The following GALNS variants were observed in gnomAD, a reference collection of about 807,000 sequenced individuals.
GALNS encodes the protein N-acetylgalactosamine-6-sulfatase.
In GALNS, 65 loss-of-function variants were observed where a neutral mutation model predicts 65.9. That is an observed-to-expected ratio of 0.99 (90% CI 0.81 to 1.21). The LOEUF (loss-of-function observed/expected upper bound fraction) is 1.21. GALNS is among the 50% of genes most tolerant of loss of function. The probability of loss-of-function intolerance (pLI) is 0.00; values close to 1 mark genes in which losing one functional copy is unlikely to be tolerated. For synonymous variants in GALNS, 346 were observed against 288.9 expected (o/e 1.20, Z -2.00); for missense variants, 776 against 700.7 (o/e 1.11, Z -1.21).
rs1316689686 is a variant in GALNS, at chr16:88,856,654, T to TC, written c.120+103dup. ...TCCCCAAGGGGCCTCCCCTCACCTC[T>TC]CCCCCCACCCCGCCCGCCCTTCCCC... On this transcript the variant is annotated intron_variant, in intron 1 of 13. Transcript: ENST00000268695. The TC allele has an allele frequency of 5.7e-5, 16 of 281,912 alleles. 1 individual carries two copies. Among genetic ancestry groups the TC allele is most frequent in the South Asian group, 2.8e-4 (13 of 46,234 alleles). The allele number at this position is 281,912 out of a possible 1,614,324, so 17.5% of individuals were successfully genotyped here.
At chr16:88,827,933 C>T (rs1003049073) in intron 9 of GALNS, among the ~76,000 whole-genome samples, 12 of 152,354 alleles carry the variant, frequency 7.9e-5, no homozygotes, top group Admixed American at 2.0e-4. Context: ...GCACCCTCGC[C>T]GCCTGCAGCC....
chr16:88,822,499 G>C (rs891924147), intron 12 of GALNS, 90 bp downstream of exon 12: 10 of 1,541,530 alleles, frequency 6.5e-6, no homozygotes, highest in Non-Finnish European at 8.9e-6. Flanking sequence ...CGGCGGGCAG[G>C]GTGCAGAGGG....
chr16:88,855,539 C>T, intron 1 of GALNS: 3 of 701,358 alleles, frequency 4.3e-6, no homozygotes. Flanking sequence ...ACAAATAAGA[C>T]ATATGAGATG....
chr16:88,856,302 C>T (rs1473515515), intron 1 of GALNS: 1 of 702,678 alleles, frequency 1.4e-6, no homozygotes, highest in African/African-American at 1.7e-5. Context: ...GGAGTGATTC[C>T]TAGGGCGACG....
At chr16:88,840,168 C>T (rs1231959464) in intron 4 of GALNS, among the ~76,000 whole-genome samples, 1 of 152,206 alleles carries the variant, frequency 6.6e-6, no homozygotes, top group Non-Finnish European at 1.5e-5. Flanking sequence ...TGAAGTGCTC[C>T]CTAGACAGCC....
chr16:88,843,073 T>C (rs749215500), intron 1 of GALNS: 2 of 1,512,286 alleles, frequency 1.3e-6, no homozygotes, highest in South Asian at 2.4e-5. Context: ...CGCTCCACGG[T>C]CAGCCCACGC....
At chr16:88,827,826 C>T (rs919900190) in intron 9 of GALNS, among the ~76,000 whole-genome samples, 12 of 152,210 alleles carry the variant, frequency 7.9e-5, no homozygotes, top group African/African-American at 2.9e-4. Flanking sequence ...CCCTGCCTGG[C>T]AAGCTCAGCC....
chr16:88,850,403 C>T (rs991837370), intron 1 of GALNS, among the ~76,000 whole-genome samples: 2 of 152,198 alleles, frequency 1.3e-5, no homozygotes, highest in African/African-American at 4.8e-5. Context: ...GGTCATCCTC[C>T]TACCTGTTCC....
intron 12 of GALNS, among the ~76,000 whole-genome samples, 169 bp from the exon 13 acceptor site, chr16:88,818,293 G>A (rs1463317191): frequency 1.3e-5 from 2 of 152,216 alleles, no homozygotes; most frequent in African/African-American, 4.8e-5. Context: ...CGCTAGGACA[G>A]GCAGCAGGCA....
chr16:88,838,395 G>C (rs974579637), intron 4 of GALNS: 3 of 153,442 alleles, frequency 2.0e-5, no homozygotes, highest in Non-Finnish European at 4.4e-5. Flanking sequence ...GAACGTGACA[G>C]TGTGGCCACA....
At position 88,842,499 on chromosome 16, in the gene GALNS, T is replaced by G. The variant is rs2143005349; in HGVS notation, c.244+207A>C. 3 of 644,036 alleles carry G rather than the reference T, an allele frequency of 4.7e-6. 1 individual carries two copies. The highest frequency in any genetic ancestry group is 8.5e-4 in the Middle Eastern group (2 of 2,348). The allele number at this position is 644,036 out of a possible 1,614,324, so 39.9% of individuals were successfully genotyped here. On this transcript the variant is annotated intron_variant, in intron 2 of 13. Coordinates refer to ENST00000268695, the MANE Select transcript of GALNS (RefSeq NM_000512.5). ...ACCAACAATACCGCAACTTCGACCC[T>G]GAAAACCCAGCAGGTGCCGCACCCC...
chr16:88,846,499 G>A (rs2143007410), intron 1 of GALNS, among the ~76,000 whole-genome samples: 1 of 149,200 alleles, frequency 6.7e-6, no homozygotes, highest in Non-Finnish European at 1.5e-5. Context: ...GAGACAGAAT[G>A]CGTTTCTGGC....
intron 1 of GALNS, among the ~76,000 whole-genome samples, chr16:88,845,971 G>C: frequency 6.6e-6 from 1 of 152,134 alleles, no homozygotes; most frequent in East Asian, 1.9e-4. Context: ...CTGGGCAACA[G>C]GGTGAGACAC....
At chr16:88,831,022 C>T (rs1911447199) in intron 9 of GALNS, among the ~76,000 whole-genome samples, 1 of 152,218 alleles carries the variant, frequency 6.6e-6, no homozygotes, top group African/African-American at 2.4e-5. Context: ...TGTTTAGCTC[C>T]ATTTAACTCA....
chr16:88,844,758 T>C (rs546258541), intron 1 of GALNS: 25 of 152,386 alleles, frequency 1.6e-4, no homozygotes, highest in Admixed American at 1.6e-3. Flanking sequence ...CGCATATTTA[T>C]TTCTGAAACC....
At chr16:88,822,035 G>A (rs1315592607) in intron 12 of GALNS, among the ~76,000 whole-genome samples, 1 of 152,166 alleles carries the variant, frequency 6.6e-6, no homozygotes, top group East Asian at 1.9e-4. Flanking sequence ...GCCAAGTGTT[G>A]GGGCCTCTGT....
chr16:88,820,785 C>T (rs887804630), intron 12 of GALNS, among the ~76,000 whole-genome samples: 8 of 152,220 alleles, frequency 5.3e-5, no homozygotes, highest in Non-Finnish European at 1.0e-4. Context: ...CCAGTGGACG[C>T]GAGGGGGCAC....
chr16:88,829,849 AACGCAGGCCGCTC>A (rs1911303898), intron 9 of GALNS, among the ~76,000 whole-genome samples: 1 of 152,252 alleles, frequency 6.6e-6, no homozygotes, highest in South Asian at 2.1e-4. Flanking sequence ...CGGCAGACAC[AACGCAGGCCGCTC>A]ATCAGCGAGG....
chr16:88,821,839 G>A (rs1597532929), intron 12 of GALNS, among the ~76,000 whole-genome samples: 2 of 152,150 alleles, frequency 1.3e-5, no homozygotes, highest in Admixed American at 6.5e-5. Context: ...GTCTTCCCAG[G>A]ACCAACTCGA....
Sources: gnomAD v4.1 joint callset for allele counts (sites outside exome capture counted in the v4.1 genomes callset) on GRCh38, gnomAD v4.1.1 for gene constraint, MANE v1.5 for transcripts, NCBI Gene and HGNC (gene_info 2026-07-23, HGNC 2026-07-21) for gene names.